Variants in MACF1 observed in about 807,000 individuals in gnomAD.
The protein encoded by MACF1 is microtubule-actin cross-linking factor 1.
In MACF1, 193 loss-of-function variants were observed where a neutral mutation model predicts 854.8. The observed-to-expected ratio is 0.23, with a 90% CI of 0.20 to 0.25. The LOEUF (loss-of-function observed/expected upper bound fraction) is 0.25, where lower values mean the gene tolerates loss of function less well. Ranked by LOEUF, MACF1 falls within the 10% of genes least tolerant of loss-of-function variation. MACF1 has a pLI of 1.00. For synonymous variants in MACF1, 3,185 were observed against 3,226.7 expected, an observed-to-expected ratio of 0.99 and a Z score of 0.44; for missense variants, 7,722 against 8,929.1, an observed-to-expected ratio of 0.86 and a Z score of 5.45.
intron 52 of MACF1, among the ~76,000 whole-genome samples, chr1:39,376,793 G>A (rs1649761372): frequency 6.6e-6 from 1 of 152,008 alleles, no homozygotes; most frequent in South Asian, 2.1e-4. Flanking sequence ...ATGGCTCTCT[G>A]TAGCTTTGAC....
chr1:39,264,944 G>A (rs1466602861), intron 6 of MACF1, among the ~76,000 whole-genome samples: 1 of 152,118 alleles, frequency 6.6e-6, no homozygotes, highest in East Asian at 1.9e-4. Context: ...AAAGTGCTGG[G>A]ATTACAGGCG....
chr1:39,324,629 T>G lies in MACF1; in HGVS notation c.4390-17T>G, dbSNP rs1388056447. On this transcript the variant is annotated splice_polypyrimidine_tract_variant and intron_variant, in intron 34 of 100. Transcript: ENST00000564288. ...TCTTGGGTTTTGAAGCTTTTTCTCT[T>G]TATTTCTACCATGTAGGTTCTGTCA... 1 of 1,584,390 alleles carries G rather than the reference T, an allele frequency of 6.3e-7. No homozygotes were observed. The highest frequency in any genetic ancestry group is 1.9e-5 in the Admixed American group (1 of 53,668).
intron 1 of MACF1, chr1:39,215,206 A>C (rs1156798010): frequency 6.5e-6 from 1 of 152,684 alleles, no homozygotes; most frequent in African/African-American, 2.4e-5. Context: ...GAAGGAGGTC[A>C]GTAGGAAGTG....
At chr1:39,466,214 C>T (rs377309777) in intron 95 of MACF1, among the ~76,000 whole-genome samples, 3 of 152,214 alleles carry the variant, frequency 2.0e-5, no homozygotes, top group South Asian at 4.1e-4. Context: ...ACAACAGTTA[C>T]TGACCCTTAG....
In MACF1 at chr1:39,349,746, C is replaced by T. The variant is rs547873425; in HGVS notation, c.10965+119C>T. ...CTCCTGGGCTCAGGCAATCCTCCCA[C>T]CTCAGCCTCCCCAGGAGCTGGGACA... On this transcript the variant is annotated intron_variant, in intron 42 of 100. Transcript: ENST00000564288. The T allele has an allele frequency of 5.7e-6, 6 of 1,046,758 alleles. No individual in the cohort carries two copies. The Admixed American group carries it at 1.9e-4, about 32-fold the overall frequency. 64.8% of individuals were successfully genotyped at this position (1,046,758 alleles called of 1,614,324 possible).
intron 2 of MACF1, among the ~76,000 whole-genome samples, chr1:39,109,002 T>C (rs138160763): frequency 3.7e-4 from 57 of 152,336 alleles, no homozygotes; most frequent in African/African-American, 1.1e-3. Context: ...TAAAACTTAC[T>C]GCACAGAGGG....
chr1:39,235,131 G>A (rs1644844837), intron 2 of MACF1, among the ~76,000 whole-genome samples: 1 of 152,180 alleles, frequency 6.6e-6, no homozygotes, highest in Non-Finnish European at 1.5e-5. Context: ...TGCAATCTCG[G>A]CACTTTGGGA....
At chr1:39,478,459 C>T (rs1370060177) in intron 97 of MACF1, among the ~76,000 whole-genome samples, 1 of 152,158 alleles carries the variant, frequency 6.6e-6, no homozygotes, top group Non-Finnish European at 1.5e-5. Context: ...CCTGAGGAAA[C>T]TGAGGCCAGA....
Position 39,460,940 on chromosome 1 carries a change from G to T in MACF1, c.21523+146G>T. 1 of 887,812 alleles carries T rather than the reference G, an allele frequency of 1.1e-6. No homozygotes were observed. Among genetic ancestry groups the T allele is most frequent in the African/African-American group, 1.7e-5 (1 of 60,334 alleles). 55.0% of individuals were successfully genotyped at this position (887,812 alleles called of 1,614,324 possible). A position where few individuals can be genotyped will look rare whatever the true frequency, so the allele number is the denominator to read the frequency against. ...AATTCCAGCACTTTGGGAGGCAGGT[G>T]GCAAAGGCATGGTGGCACACTTGCA... On this transcript the variant is annotated intron_variant, in intron 92 of 100. Coordinates refer to ENST00000564288, the MANE Select transcript of MACF1 (RefSeq NM_001394062.1). The surrounding 1 kb of genome is among the most constrained non-coding windows in gnomAD (Gnocchi z 4.1).
chr1:39,330,819 T>G (rs1293268118), intron 36 of MACF1, among the ~76,000 whole-genome samples: 2 of 150,120 alleles, frequency 1.3e-5, no homozygotes, highest in Non-Finnish European at 3.0e-5. Flanking sequence ...TTTTTTTTTT[T>G]GAGACAGAGT....
chr1:39,119,404 A>C (rs1175174358), intron 2 of MACF1, among the ~76,000 whole-genome samples: 1 of 142,432 alleles, frequency 7.0e-6, no homozygotes, highest in Non-Finnish European at 1.6e-5. Flanking sequence ...AAACTCCATT[A>C]TAACATTTCT....
intron 58 of MACF1, among the ~76,000 whole-genome samples, chr1:39,406,756 A>AAAAAAACC (rs746955922): frequency 8.6e-6 from 1 of 116,058 alleles, no homozygotes; most frequent in Admixed American, 8.9e-5. Context: ...AAAAAAAAAA[A>AAAAAAACC]AACATTCTTT....
intron 80 of MACF1, among the ~76,000 whole-genome samples, chr1:39,446,205 A>G (rs1422626482): frequency 2.6e-5 from 4 of 152,190 alleles, no homozygotes; most frequent in African/African-American, 9.6e-5. Flanking sequence ...CAGTAAAATC[A>G]TTTATTAAAT....
intron 2 of MACF1, among the ~76,000 whole-genome samples, chr1:39,133,946 G>A (rs1446995132): frequency 3.3e-5 from 5 of 150,962 alleles, no homozygotes; most frequent in African/African-American, 9.7e-5. Context: ...TGAATACTAC[G>A]AACAGCTTTT....
intron 2 of MACF1, among the ~76,000 whole-genome samples, chr1:39,158,778 G>A (rs1182722085): frequency 6.6e-6 from 1 of 152,204 alleles, no homozygotes; most frequent in Admixed American, 6.5e-5. Flanking sequence ...GAACAAATGA[G>A]GGCGCTCAAA....
At chr1:39,199,423 C>T (rs1644362386) in intron 2 of MACF1, among the ~76,000 whole-genome samples, 1 of 151,946 alleles carries the variant, frequency 6.6e-6, no homozygotes, top group Non-Finnish European at 1.5e-5. Context: ...AGGAGGATTG[C>T]TTGATTCCAT....
At chr1:39,300,100 A>T in intron 21 of MACF1, 110 bp from the exon 22 acceptor site, 1 of 1,104,164 alleles carries the variant, frequency 9.1e-7, no homozygotes, top group Non-Finnish European at 1.3e-6. Flanking sequence ...ATCCCTACTT[A>T]ACTGAGAGAT....
At chr1:39,226,925 AG>A (rs1208430169) in intron 1 of MACF1, among the ~76,000 whole-genome samples, 1 of 152,248 alleles carries the variant, frequency 6.6e-6, no homozygotes, top group Admixed American at 6.5e-5. Context: ...TTGGCTATGA[AG>A]GTAATGAATA....
chr1:39,458,328 A>G (rs973377501), intron 89 of MACF1, 42 bp from the exon 90 acceptor site: 8 of 1,601,626 alleles, frequency 5.0e-6, no homozygotes, highest in Admixed American at 3.4e-5. Flanking sequence ...AAGAGTAAAA[A>G]TACAATATTT....
Sources: allele counts gnomAD v4.1 joint callset (sites outside exome capture counted in the v4.1 genomes callset), GRCh38; gene constraint gnomAD v4.1.1; non-coding constraint Gnocchi (gnomAD v3.1); transcripts MANE v1.5; gene names NCBI Gene and HGNC (gene_info 2026-07-23, HGNC 2026-07-21).